The following FBXW11 variants were observed in gnomAD, a reference collection of about 807,000 sequenced individuals.
FBXW11 encodes the protein F-box/WD repeat-containing protein 11.
FBXW11 carries 19 observed loss-of-function variants against 77.6 expected under a neutral mutation model. That is an observed-to-expected ratio of 0.24 (90% CI 0.17 to 0.36). The LOEUF is 0.36. FBXW11 is among the 10% of genes least tolerant of loss of function. The pLI is 1.00. For synonymous variants in FBXW11, 235 were observed against 249.4 expected, an observed-to-expected ratio of 0.94 and a Z score of 0.54; for missense variants, 334 against 704.2, an observed-to-expected ratio of 0.47 and a Z score of 5.95.
At chr5:171,875,636 G>A (rs2113774543) in intron 9 of FBXW11, among the ~76,000 whole-genome samples, 1 of 152,260 alleles carries the variant, frequency 6.6e-6, no homozygotes, top group East Asian at 1.9e-4. Context: ...AAAAGCATAG[G>A]AAAGCTAAAA....
chr5:171,913,801 C>A (rs908946653), intron 3 of FBXW11, among the ~76,000 whole-genome samples: 7 of 137,810 alleles, frequency 5.1e-5, no homozygotes, highest in Non-Finnish European at 7.9e-5. Context: ...CTCCCCAAAC[C>A]CCCAACCACA....
At position 171,957,602 on chromosome 5, in the gene FBXW11, G is replaced by C. The variant is rs773125845; in HGVS notation, c.142C>G (p.Leu48Val). 1.9e-6 allele frequency: 3 copies of C among 1,613,706 alleles called. No homozygotes were observed. The highest frequency in any genetic ancestry group is 1.7e-5 in the Admixed American group (1 of 60,032). Residue 48 changes from leucine to valine, a missense_variant, in exon 2 of 14, where the codon CTC becomes GTC. Leu to Val is a conservative substitution (Grantham distance 32). Around this residue, in one of 10 missense-constraint regions of FBXW11, gnomAD observed 80 missense variants for 105.1 expected, o/e 0.76. Transcript: ENST00000517395. ...ACAAGAAAGAAGAGAGGCACCTGGAGACATCTGACACTGGGCATGCTCTGC... is the reference window on the plus strand; with the variant it reads ...ACAAGAAAGAAGAGAGGCACCTGGACACATCTGACACTGGGCATGCTCTGC... ...CLQSMPSVRC[L>V]QNTSVMEDQN...
intron 2 of FBXW11, among the ~76,000 whole-genome samples, chr5:171,929,900 T>G (rs1762081683): frequency 6.6e-6 from 1 of 151,992 alleles, no homozygotes; most frequent in African/African-American, 2.4e-5. Flanking sequence ...TGATGGGATA[T>G]TAGTGAATTC....
chr5:171,956,669 T>C (rs1055106199), intron 2 of FBXW11, among the ~76,000 whole-genome samples: 9 of 152,198 alleles, frequency 5.9e-5, no homozygotes, highest in African/African-American at 2.2e-4. Context: ...ATGCCATCAA[T>C]AATATCCCTC....
At chr5:171,921,844 T>C (rs1761615157) in intron 2 of FBXW11, among the ~76,000 whole-genome samples, 1 of 152,118 alleles carries the variant, frequency 6.6e-6, no homozygotes, top group Non-Finnish European at 1.5e-5. Flanking sequence ...GCTCAAGCAA[T>C]CTTCCCACCT....
At position 171,967,172 on chromosome 5, in the gene FBXW11, T is replaced by C. The variant is rs116335257; in HGVS notation, c.46-9474A>G. 5.8e-3 allele frequency among the ~76,000 whole-genome samples: 889 copies of C among 152,326 alleles called. 5 individuals are homozygous for C. Among genetic ancestry groups the C allele is most frequent in the African/African-American group, 0.02 (821 of 41,580 alleles). ...CTCTGGTATGCAACTCTGCAATACATAGTCAAGACTTGAAACTCATGCACA... is the reference window on the plus strand; with the variant it reads ...CTCTGGTATGCAACTCTGCAATACACAGTCAAGACTTGAAACTCATGCACA... On this transcript the variant is annotated intron_variant, in intron 1 of 13. Transcript: ENST00000517395.
chr5:171,967,556 T>C (rs1467292448), intron 1 of FBXW11, among the ~76,000 whole-genome samples: 1 of 152,028 alleles, frequency 6.6e-6, no homozygotes, highest in East Asian at 1.9e-4. Context: ...AATATATACA[T>C]AGGCCGGGCA....
chr5:171,996,662 A>G (rs1766069928), intron 1 of FBXW11, among the ~76,000 whole-genome samples: 1 of 152,202 alleles, frequency 6.6e-6, no homozygotes, highest in Admixed American at 6.5e-5. Context: ...CTCAAAGATA[A>G]TAATAACTGC....
intron 1 of FBXW11, among the ~76,000 whole-genome samples, chr5:171,963,822 C>A (rs545337608): frequency 6.6e-6 from 1 of 152,052 alleles, no homozygotes; most frequent in African/African-American, 2.4e-5. Flanking sequence ...TTGCCGCAAA[C>A]GATAAAAGAA....
chr5:171,956,681 A>C (rs1168122352), intron 2 of FBXW11, among the ~76,000 whole-genome samples: 1 of 152,194 alleles, frequency 6.6e-6, no homozygotes, highest in African/African-American at 2.4e-5. Context: ...ATATCCCTCT[A>C]ACTCAGTGCC....
intron 1 of FBXW11, among the ~76,000 whole-genome samples, chr5:172,002,010 G>A (rs1766438982): frequency 6.6e-6 from 1 of 152,142 alleles, no homozygotes; most frequent in Non-Finnish European, 1.5e-5. Context: ...AAGGGAGAAT[G>A]GAATACAAAG....
intron 9 of FBXW11, among the ~76,000 whole-genome samples, chr5:171,875,867 T>C (rs1758046662): frequency 6.6e-6 from 1 of 152,088 alleles, no homozygotes; most frequent in Non-Finnish European, 1.5e-5. Context: ...AAATAAAACA[T>C]CTAAGCTCTG....
At chr5:171,885,313 T>G (rs770118859) in intron 7 of FBXW11, among the ~76,000 whole-genome samples, 10 of 152,220 alleles carry the variant, frequency 6.6e-5, no homozygotes, top group African/African-American at 2.2e-4. Flanking sequence ...CTCACAAAAG[T>G]GTGGTGGGGA....
intron 1 of FBXW11, among the ~76,000 whole-genome samples, chr5:171,983,081 T>C (rs541431116): frequency 6.6e-6 from 1 of 152,192 alleles, no homozygotes; most frequent in South Asian, 2.1e-4. Flanking sequence ...TGATCCAAGC[T>C]ACTCAGGAGA....
rs1407083315 is a variant in FBXW11, at chr5:171,910,565, C to T, written c.436+7G>A. On this transcript the variant is annotated splice_region_variant and intron_variant, in intron 4 of 13. Coordinates refer to ENST00000517395, the MANE Select transcript of FBXW11 (RefSeq NM_001378974.1). ...TGCTCAGCTTTTGAAAAGACAAGTA[C>T]AGTTACCTGGTAAAGCGGTAATAAA... is the stretch of plus-strand genomic sequence containing the variant. 1.2e-5 allele frequency: 19 copies of T among 1,607,640 alleles called. No homozygotes were observed. The highest frequency in any genetic ancestry group is 1.5e-5 in the Non-Finnish European group (18 of 1,175,764).
chr5:171,937,596 G>A (rs1427263361), intron 2 of FBXW11, among the ~76,000 whole-genome samples: 2 of 152,050 alleles, frequency 1.3e-5, no homozygotes, highest in Admixed American at 6.6e-5. Context: ...AGCATTTTGG[G>A]AGGCCAAAAT....
chr5:171,965,911 C>T (rs1044799130), intron 1 of FBXW11, among the ~76,000 whole-genome samples: 13 of 152,088 alleles, frequency 8.5e-5, no homozygotes, highest in African/African-American at 3.1e-4. Flanking sequence ...AGACGTCCCC[C>T]TTGCTGTTCT....
At chr5:171,959,486 T>C (rs917049028) in intron 1 of FBXW11, among the ~76,000 whole-genome samples, 13 of 152,074 alleles carry the variant, frequency 8.5e-5, no homozygotes, top group Non-Finnish European at 1.5e-4. Context: ...CAGAGTCCCA[T>C]GGAATTTTTT....
At chr5:171,916,522 G>T in intron 2 of FBXW11, 1 of 929,788 alleles carries the variant, frequency 1.1e-6, no homozygotes, top group South Asian at 5.0e-5. Flanking sequence ...AAAGCAGTAA[G>T]TAATTCTGAA....
Sources: allele counts gnomAD v4.1 joint callset (sites outside exome capture counted in the v4.1 genomes callset), GRCh38; gene constraint gnomAD v4.1.1; regional missense constraint gnomAD v4.1.1; transcripts MANE v1.5; gene names NCBI Gene and HGNC (gene_info 2026-07-23, HGNC 2026-07-21).